Variants in KIAA1755 observed in about 807,000 individuals in gnomAD.
The protein encoded by KIAA1755 is uncharacterized protein KIAA1755.
Under a neutral mutation model 91.7 loss-of-function variants are expected in KIAA1755, and 68 were observed. That is an observed-to-expected ratio of 0.74 (90% CI 0.61 to 0.91). The LOEUF is 0.91. KIAA1755 is among the 40% of genes least tolerant of loss of function. The pLI, the probability that KIAA1755 is intolerant of heterozygous loss-of-function variation, is 0.00. For synonymous variants in KIAA1755, 610 were observed against 604.6 expected, an observed-to-expected ratio of 1.01 and a Z score of -0.13; for missense variants, 1,535 against 1,494.4, an observed-to-expected ratio of 1.03 and a Z score of -0.45.
chr20:38,242,620 A>G (rs1338104318), intron 2 of KIAA1755, among the ~76,000 whole-genome samples: 1 of 152,244 alleles, frequency 6.6e-6, no homozygotes, highest in Non-Finnish European at 1.5e-5. Flanking sequence ...ATCATCTAAC[A>G]CAATGCCTAT....
Position 38,217,990 on chromosome 20 carries a change from G to C in KIAA1755, c.2679+254C>G, listed in dbSNP as rs149331842. 8.7e-4 allele frequency: 471 copies of C among 543,002 alleles called. 1 individual carries two copies. Among genetic ancestry groups the C allele is most frequent in the African/African-American group, 8.0e-3 (421 of 52,886 alleles). 33.6% of individuals were successfully genotyped at this position (543,002 alleles called of 1,614,324 possible). A position where few individuals can be genotyped will look rare whatever the true frequency, so the allele number is the denominator to read the frequency against. ...CTGTGAGGCTGAGTTATTAGGTCTAGGATGGGGCCCTGGAAACTGCATTTT... is the reference window on the plus strand; with the variant it reads ...CTGTGAGGCTGAGTTATTAGGTCTACGATGGGGCCCTGGAAACTGCATTTT... On this transcript the variant is annotated intron_variant, in intron 12 of 13. Transcript: ENST00000279024.
Position 38,213,646 on chromosome 20 carries a change from C to A in KIAA1755, c.2999G>T (p.Arg1000Leu), listed in dbSNP as rs368994086. 2.1e-5 allele frequency: 34 copies of A among 1,608,546 alleles called. No individual in the cohort carries two copies. Among genetic ancestry groups the A allele is most frequent in the African/African-American group, 8.0e-5 (6 of 74,876 alleles). ...VSPGDQRRLH[R>L]YLQRLASEFP... ...CTCAGATGCCAGTCGCTGCAGGTAGCGGTGGAGGCGGCGCTGGTCCCCAGG... is the reference window on the plus strand; with the variant it reads ...CTCAGATGCCAGTCGCTGCAGGTAGAGGTGGAGGCGGCGCTGGTCCCCAGG... Residue 1000 changes from arginine to leucine, a missense_variant, in exon 14 of 14, where the codon CGC (arginine) becomes CTC (leucine). Physicochemically the swap from Arg to Leu is moderately radical, Grantham distance 102. Transcript: ENST00000279024.
At chr20:38,250,487 G>GGTGT (rs370369766) in intron 1 of KIAA1755, among the ~76,000 whole-genome samples, 39 of 142,544 alleles carry the variant, frequency 2.7e-4, no homozygotes, top group African/African-American at 4.5e-4. Context: ...TTATTATTAT[G>GGTGT]GTGTGTGTGT....
intron 4 of KIAA1755, among the ~76,000 whole-genome samples, chr20:38,234,616 CT>C (rs1271207480): frequency 2.0e-5 from 3 of 152,334 alleles, no homozygotes; most frequent in African/African-American, 7.2e-5. Flanking sequence ...GCCTCTCCCC[CT>C]AGCTCCAAGG....
chr20:38,216,025 A>G (rs553960997), intron 13 of KIAA1755, among the ~76,000 whole-genome samples: 14 of 152,276 alleles, frequency 9.2e-5, no homozygotes, highest in South Asian at 2.1e-4. Context: ...GGAAATGGGC[A>G]TAATAGTAGT....
At chr20:38,253,390 T>A (rs1379289770) in intron 1 of KIAA1755, among the ~76,000 whole-genome samples, 1 of 152,188 alleles carries the variant, frequency 6.6e-6, no homozygotes, top group African/African-American at 2.4e-5. Flanking sequence ...TAAATACCAT[T>A]TTTATCAAGT....
At chr20:38,251,435 G>A (rs1160249433) in intron 1 of KIAA1755, among the ~76,000 whole-genome samples, 1 of 152,080 alleles carries the variant, frequency 6.6e-6, no homozygotes, top group Admixed American at 6.6e-5. Context: ...ACTGACCCAG[G>A]GAACCTTGTA....
chr20:38,227,694 C>T (rs2075785157), intron 6 of KIAA1755, among the ~76,000 whole-genome samples: 1 of 152,218 alleles, frequency 6.6e-6, no homozygotes, highest in Non-Finnish European at 1.5e-5. Flanking sequence ...CTCCTGAATC[C>T]ACTGTAACTG....
intron 4 of KIAA1755, among the ~76,000 whole-genome samples, chr20:38,235,513 G>T (rs1180254097): frequency 2.6e-5 from 4 of 152,202 alleles, no homozygotes; most frequent in Non-Finnish European, 5.9e-5. Context: ...TAGGAGCAAG[G>T]TGCCAAGATG....
chr20:38,225,736 G>T lies in KIAA1755; in HGVS notation c.2098C>A (p.Pro700Thr), dbSNP rs775672923. Residue 700 changes from proline to threonine, a missense_variant, in exon 8 of 14, where the codon CCC (proline) becomes ACC (threonine). Pro to Thr is a conservative substitution (Grantham distance 38). Coordinates refer to ENST00000279024, the MANE Select transcript of KIAA1755 (RefSeq NM_001029864.2). ...SLKALSHHVD[P>T]SQLPAVLEGP... ...TCCAGGACTGCGGGCAGCTGGCTGG[G>T]GTCCACATGGTGGCTGAGGGCCTTC... is the stretch of plus-strand genomic sequence containing the variant. The T allele has an allele frequency of 1.9e-6, 3 of 1,605,992 alleles. No homozygotes were observed. Among genetic ancestry groups the T allele is most frequent in the Non-Finnish European group, 2.6e-6 (3 of 1,176,440 alleles).
Position 38,255,816 on chromosome 20 carries a change from G to A in KIAA1755, c.3+4682C>T, listed in dbSNP as rs1029432295. The stretch of plus-strand genomic sequence containing the variant: ...AAGACCCACGTTATAGTCCAGCTCT[G>A]TCTGTATCATCTGCATGACCTCGAC... On this transcript the variant is annotated intron_variant, in intron 1 of 13. Transcript: ENST00000279024. 3.9e-5 allele frequency among the ~76,000 whole-genome samples: 6 copies of A among 152,134 alleles called. No individual in the cohort carries two copies. The South Asian group carries it at 8.3e-4, about 21-fold the overall frequency.
intron 5 of KIAA1755, among the ~76,000 whole-genome samples, chr20:38,228,934 T>C (rs1409587936): frequency 6.6e-6 from 1 of 152,218 alleles, no homozygotes; most frequent in Admixed American, 6.5e-5. Flanking sequence ...TTTCAGTGAC[T>C]ATCTTAGGAT....
chr20:38,246,411 G>T (rs2076161720), intron 1 of KIAA1755, among the ~76,000 whole-genome samples: 1 of 150,380 alleles, frequency 6.6e-6, no homozygotes, highest in Non-Finnish European at 1.5e-5. Context: ...GCAGGTCTTT[G>T]CTCAAATGTC....
chr20:38,253,999 T>C (rs574162044), intron 1 of KIAA1755, among the ~76,000 whole-genome samples: 105 of 152,336 alleles, frequency 6.9e-4, no homozygotes, highest in Non-Finnish European at 1.4e-3. Flanking sequence ...TTCTCCTGCC[T>C]CAGCCTCCCA....
chr20:38,224,516 G>A (rs974516743), intron 8 of KIAA1755, among the ~76,000 whole-genome samples: 6 of 152,168 alleles, frequency 3.9e-5, no homozygotes, highest in Non-Finnish European at 7.3e-5. Context: ...AGTATAGACC[G>A]GCGGTTCTCA....
At position 38,242,422 on chromosome 20, in the gene KIAA1755, T is replaced by C. The variant is rs146272950; in HGVS notation, c.202-493A>G. Among the ~76,000 whole-genome samples, 236 of 152,342 alleles carry C rather than the reference T, an allele frequency of 1.5e-3. 1 individual carries two copies. Among genetic ancestry groups the C allele is most frequent in the Admixed American group, 5.4e-3 (82 of 15,306 alleles). On this transcript the variant is annotated intron_variant, in intron 2 of 13. Transcript: ENST00000279024. ...CAGTATTACTGGGTTGGTATGAGGA[T>C]TAAGTGAGATTATACAGATGGCCTC...
chr20:38,250,977 A>G (rs2076241236), intron 1 of KIAA1755, among the ~76,000 whole-genome samples: 1 of 152,174 alleles, frequency 6.6e-6, no homozygotes, highest in Non-Finnish European at 1.5e-5. Flanking sequence ...GTAAACTGGC[A>G]TAAATCGAAT....
chr20:38,257,093 G>C (rs2076351816), intron 1 of KIAA1755, among the ~76,000 whole-genome samples: 1 of 152,082 alleles, frequency 6.6e-6, no homozygotes, highest in Non-Finnish European at 1.5e-5. Flanking sequence ...CAGGACACAT[G>C]TGCTTCCAGG....
At chr20:38,248,026 A>G (rs537571691) in intron 1 of KIAA1755, among the ~76,000 whole-genome samples, 129 of 152,210 alleles carry the variant, frequency 8.5e-4, no homozygotes, top group African/African-American at 3.0e-3. Flanking sequence ...TCAGGAGTTC[A>G]AGGCCAGCCT....
Sources: gnomAD v4.1 joint callset for allele counts (sites outside exome capture counted in the v4.1 genomes callset) on GRCh38, gnomAD v4.1.1 for gene constraint, MANE v1.5 for transcripts, NCBI Gene and HGNC (gene_info 2026-07-23, HGNC 2026-07-21) for gene names.